The following UMAD1 variants were observed in gnomAD, a reference collection of about 807,000 sequenced individuals.
UMAD1 encodes UBAP1-MVB12-associated (UMA) domain containing 1.
In UMAD1, 8 loss-of-function variants were observed where a neutral mutation model predicts 6.1. The ratio of observed to expected loss-of-function variants is 1.30; its 90% confidence interval spans 0.76 to 2.35. UMAD1 has a LOEUF of 2.35. UMAD1 is among the 30% of genes most tolerant of loss of function. The probability of loss-of-function intolerance (pLI) is 0.00; values close to 1 mark genes in which losing one functional copy is unlikely to be tolerated. For synonymous variants in UMAD1, 56 were observed against 31.4 expected (o/e 1.78, Z -2.61); for missense variants, 130 against 78.4 (o/e 1.66, Z -2.49).
chr7:7,826,761 A>G (rs1409345724), intron 3 of UMAD1, among the ~76,000 whole-genome samples: 2 of 152,138 alleles, frequency 1.3e-5, no homozygotes, highest in Non-Finnish European at 2.9e-5. Flanking sequence ...GACTATATCT[A>G]TCAGCAAGGA....
intron 2 of UMAD1, among the ~76,000 whole-genome samples, chr7:7,710,025 C>T (rs934759918): frequency 1.3e-5 from 2 of 152,000 alleles, no homozygotes; most frequent in Admixed American, 1.3e-4. Flanking sequence ...ATATATAAAT[C>T]GAGTCACTCA....
At chr7:7,742,606 G>A (rs1292825181) in intron 2 of UMAD1, 9 of 478,770 alleles carry the variant, frequency 1.9e-5, no homozygotes, top group South Asian at 6.4e-5. Context: ...ATTAAAGGAT[G>A]AATGCTGTTT....
At chr7:7,649,627 CT>C (rs1267490928) in intron 1 of UMAD1, among the ~76,000 whole-genome samples, 1 of 151,374 alleles carries the variant, frequency 6.6e-6, no homozygotes, top group Non-Finnish European at 1.5e-5. Flanking sequence ...TTACTTTTTT[CT>C]TCTTTAATGT....
At chr7:7,719,182 A>G (rs1385072730) in intron 2 of UMAD1, among the ~76,000 whole-genome samples, 2 of 152,206 alleles carry the variant, frequency 1.3e-5, no homozygotes, top group Non-Finnish European at 2.9e-5. Flanking sequence ...GATCTAGCAG[A>G]TACAATGATG....
At chr7:7,658,018 G>A (rs1432530648) in intron 1 of UMAD1, among the ~76,000 whole-genome samples, 5 of 152,098 alleles carry the variant, frequency 3.3e-5, no homozygotes, top group Non-Finnish European at 7.4e-5. Flanking sequence ...TTCTTGAAGA[G>A]GTCCTTCATG....
At chr7:7,773,254 A>G (rs908663148) in intron 2 of UMAD1, among the ~76,000 whole-genome samples, 2 of 152,226 alleles carry the variant, frequency 1.3e-5, no homozygotes, top group Non-Finnish European at 2.9e-5. Context: ...TGCTTTGTAC[A>G]CAAGTTGCAA....
chr7:7,719,027 A>T (rs1426547684), intron 2 of UMAD1, among the ~76,000 whole-genome samples: 1 of 152,198 alleles, frequency 6.6e-6, no homozygotes, highest in African/African-American at 2.4e-5. Context: ...TTTAAAAAAC[A>T]TATGAGTATT....
At chr7:7,784,855 G>A (rs1055308514) in intron 2 of UMAD1, among the ~76,000 whole-genome samples, 3 of 142,908 alleles carry the variant, frequency 2.1e-5, no homozygotes, top group Admixed American at 7.0e-5. Context: ...TCCGCCCCCT[G>A]GGGTTCACGC....
At chr7:7,681,708 A>G (rs1563117444) in intron 2 of UMAD1, among the ~76,000 whole-genome samples, 1 of 152,240 alleles carries the variant, frequency 6.6e-6, no homozygotes, top group East Asian at 1.9e-4. Context: ...TTATACTACT[A>G]TTTAAAAATC....
At chr7:7,753,901 G>A (rs1182116790) in intron 2 of UMAD1, among the ~76,000 whole-genome samples, 1 of 152,048 alleles carries the variant, frequency 6.6e-6, no homozygotes, top group Non-Finnish European at 1.5e-5. Context: ...AACAGTGTAC[G>A]GGCCCGGTGT....
intron 2 of UMAD1, among the ~76,000 whole-genome samples, chr7:7,742,931 G>A (rs1327132682): frequency 1.3e-5 from 2 of 152,160 alleles, no homozygotes; most frequent in African/African-American, 4.8e-5. Context: ...AATTTTCAGT[G>A]TATTAGAAAA....
intron 3 of UMAD1, among the ~76,000 whole-genome samples, chr7:7,865,701 TG>T (rs1784213222): frequency 6.6e-6 from 1 of 152,222 alleles, no homozygotes; most frequent in African/African-American, 2.4e-5. Flanking sequence ...TCATGTCCAT[TG>T]TCCCCAAGCA....
At chr7:7,643,663 G>C (rs903699929) in intron 1 of UMAD1, among the ~76,000 whole-genome samples, 4 of 150,410 alleles carry the variant, frequency 2.7e-5, no homozygotes, top group African/African-American at 9.9e-5. Flanking sequence ...AGTGAGCCGA[G>C]ATCGCGCCAC....
intron 3 of UMAD1, among the ~76,000 whole-genome samples, chr7:7,866,460 G>A (rs767848161): frequency 3.3e-5 from 5 of 152,220 alleles, no homozygotes; most frequent in Non-Finnish European, 7.3e-5. Flanking sequence ...AAAGAGGCTT[G>A]TGTGACCTGG....
rs571487878 is a variant in UMAD1, at chr7:7,864,361, C to G, written c.157-12920C>G. ...TTAATAAAGACAAGTAAGAACATTA[C>G]TCACCCAGTTATTTGAATTTGGACT... On this transcript the variant is annotated intron_variant, in intron 3 of 3. Transcript: ENST00000682710. Among the ~76,000 whole-genome samples the G allele has an allele frequency of 2.0e-5, 3 of 152,182 alleles. No individual in the cohort carries two copies. In the South Asian group the frequency reaches 6.2e-4, roughly 32 times the overall value.
intron 3 of UMAD1, among the ~76,000 whole-genome samples, chr7:7,822,838 T>C (rs1349333180): frequency 6.6e-6 from 1 of 152,024 alleles, no homozygotes; most frequent in Non-Finnish European, 1.5e-5. Context: ...TTTTTTTTTT[T>C]GGTTGTCTTC....
At chr7:7,806,829 T>A (rs1341718638) in intron 3 of UMAD1, among the ~76,000 whole-genome samples, 1 of 152,194 alleles carries the variant, frequency 6.6e-6, no homozygotes, top group Admixed American at 6.5e-5. Flanking sequence ...GACTAAGCAA[T>A]GTTGAAATAT....
intron 3 of UMAD1, among the ~76,000 whole-genome samples, chr7:7,863,436 A>G (rs78954189): frequency 0.022 from 3,331 of 152,328 alleles, 130 homozygotes; most frequent in African/African-American, 0.076. Flanking sequence ...AGTTATCATG[A>G]AACTTTGATA....
At position 7,789,149 on chromosome 7, in the gene UMAD1, T is replaced by A. The variant is rs79408172; in HGVS notation, c.83-12521T>A. 1.9e-3 allele frequency among the ~76,000 whole-genome samples: 290 copies of A among 152,322 alleles called. 1 individual carries two copies. Among genetic ancestry groups the A allele is most frequent in the African/African-American group, 6.7e-3 (277 of 41,570 alleles). On this transcript the variant is annotated intron_variant, in intron 2 of 3. Coordinates refer to ENST00000682710, the MANE Select transcript of UMAD1 (RefSeq NM_001302348.2). ...ACTAGTACAAAGTGGTCAAAGTGTGTTCCTCTGACACTGGTTATTATTTTT... is the reference window on the plus strand; with the variant it reads ...ACTAGTACAAAGTGGTCAAAGTGTGATCCTCTGACACTGGTTATTATTTTT...
Sources: allele counts gnomAD v4.1 joint callset (sites outside exome capture counted in the v4.1 genomes callset), GRCh38; gene constraint gnomAD v4.1.1; transcripts MANE v1.5; gene names NCBI Gene and HGNC (gene_info 2026-07-23, HGNC 2026-07-21).